Variants in MYO9A observed in about 807,000 individuals in gnomAD.
MYO9A encodes the protein unconventional myosin-IXa.
A neutral mutation model predicts 293.3 loss-of-function variants in MYO9A; 103 were observed. That is an observed-to-expected ratio of 0.35 (90% CI 0.30 to 0.41). MYO9A has a LOEUF of 0.41. Ranked by LOEUF, MYO9A falls within the 10% of genes least tolerant of loss-of-function variation. The pLI, the probability that MYO9A is intolerant of heterozygous loss-of-function variation, is 1.00. For missense variants in MYO9A, 2,685 were observed against 3,033.0 expected (o/e 0.89, Z 2.69); for synonymous variants, 1,001 against 1,035.7 (o/e 0.97, Z 0.64).
chr15:72,004,278 C>G (rs1194891594), intron 8 of MYO9A, among the ~76,000 whole-genome samples: 1 of 152,240 alleles, frequency 6.6e-6, no homozygotes, highest in African/African-American at 2.4e-5. Context: ...CTATTCTTGG[C>G]CGGGCACAGT....
intron 14 of MYO9A, among the ~76,000 whole-genome samples, chr15:71,954,779 G>T (rs892095720): frequency 6.6e-6 from 1 of 152,124 alleles, no homozygotes; most frequent in Non-Finnish European, 1.5e-5. Flanking sequence ...TGACAGAAAA[G>T]TTCCATAACT....
rs1406275798 is a variant in MYO9A at position 71,822,945 on chromosome 15, A to G, written c.*3635T>C. ...GTTAAAAGTAGTCTAGGGCATAGAA[A>G]AAGAGGACTCTCACAGATACCAAGG... On this transcript the variant is annotated 3_prime_UTR_variant, in exon 42 of 42. Coordinates refer to ENST00000356056, the MANE Select transcript of MYO9A (RefSeq NM_006901.4). 2.0e-5 allele frequency: 3 copies of G among 152,206 alleles called. No individual in the cohort carries two copies. 9.4% of individuals were successfully genotyped at this position (152,206 alleles called of 1,614,324 possible). A position where few individuals can be genotyped will look rare whatever the true frequency, so the allele number is the denominator to read the frequency against.
chr15:72,024,425 C>T (rs2077600342), intron 4 of MYO9A, among the ~76,000 whole-genome samples: 2 of 152,192 alleles, frequency 1.3e-5, no homozygotes, highest in African/African-American at 2.4e-5. Flanking sequence ...GGACTACAGG[C>T]GTGCATCACC....
intron 33 of MYO9A, among the ~76,000 whole-genome samples, chr15:71,860,321 A>G (rs1187337618): frequency 6.6e-6 from 1 of 152,238 alleles, no homozygotes; most frequent in African/African-American, 2.4e-5. Flanking sequence ...TTCAGAACAG[A>G]GCTCTGAAGA....
intron 6 of MYO9A, among the ~76,000 whole-genome samples, chr15:72,017,218 T>C (rs182331200): frequency 3.9e-5 from 6 of 152,112 alleles, no homozygotes; most frequent in Admixed American, 3.9e-4. Flanking sequence ...ATTGCCTTGT[T>C]GCTCAAGCTA....
rs535513087 is a variant in MYO9A, at chr15:72,003,376, A to C, written c.1381-3436T>G. Among the ~76,000 whole-genome samples, 7 of 151,978 alleles carry C rather than the reference A, an allele frequency of 4.6e-5. No homozygotes were observed. In the South Asian group the frequency reaches 1.5e-3, roughly 32 times the overall value. On this transcript the variant is annotated intron_variant, in intron 8 of 41. Transcript: ENST00000356056. Reference sequence around the variant, plus strand: ...AATACCATAGAGAAAAATTTTAAAGAGTGAAATTAACAGACTATTTACAAA... The same window carrying C: ...AATACCATAGAGAAAAATTTTAAAGCGTGAAATTAACAGACTATTTACAAA...
chr15:72,081,434 T>C (rs1846263401), intron 1 of MYO9A, among the ~76,000 whole-genome samples: 3 of 152,154 alleles, frequency 2.0e-5, no homozygotes, highest in African/African-American at 2.4e-5. Context: ...TTTAAATTCT[T>C]TATAGGTGCT....
At chr15:72,109,989 T>TA (rs56010336) in intron 1 of MYO9A, among the ~76,000 whole-genome samples, 92,113 of 140,768 alleles carry the variant, frequency 0.65, 30,768 homozygotes, top group Non-Finnish European at 0.73. Context: ...TCCCTTACAT[T>TA]AAAAAAAAAA....
intron 17 of MYO9A, 196 bp downstream of exon 17, chr15:71,935,145 A>C (rs2058602025): frequency 3.9e-6 from 2 of 518,912 alleles, no homozygotes; most frequent in South Asian, 4.3e-5. Context: ...AAATCAACAA[A>C]AACACAAGCT....
At position 71,879,748 on chromosome 15, in the gene MYO9A, G is replaced by T; in HGVS notation, c.5712C>A (p.Ile1904=). ...KKALKEFRQN[I]FSFYSSALAM... is the part of the protein sequence containing the mutation. ...CCAATGCAGATGAATAAAAGCTGAA[G>T]ATATTCTGCCGAAATTCCTTCAGGG... Residue 1904 remains isoleucine, a synonymous_variant, in exon 30 of 42, where the codon ATC becomes ATA. Transcript: ENST00000356056. 1 of 1,612,896 alleles carries T rather than the reference G, an allele frequency of 6.2e-7. No homozygotes were observed.
At chr15:72,020,843 C>T in intron 5 of MYO9A, 75 bp downstream of exon 5, 1 of 881,506 alleles carries the variant, frequency 1.1e-6, no homozygotes, top group Non-Finnish European at 1.6e-6. Flanking sequence ...TGAGAAAGTA[C>T]TAGAAAAAAG....
intron 21 of MYO9A, 43 bp downstream of exon 21, chr15:71,903,886 C>T (rs370285693): frequency 8.7e-6 from 13 of 1,494,406 alleles, no homozygotes; most frequent in Non-Finnish European, 1.1e-5. Flanking sequence ...GAATCATTTA[C>T]TTGATGTGTC....
chr15:71,891,695 G>T, intron 26 of MYO9A: 1 of 152,094 alleles, frequency 6.6e-6, no homozygotes, highest in Non-Finnish European at 1.5e-5. Context: ...TTCGGCTCAG[G>T]TTAATGACTC....
chr15:71,836,509 T>A (rs1052591401), intron 39 of MYO9A, among the ~76,000 whole-genome samples: 1 of 152,064 alleles, frequency 6.6e-6, no homozygotes, highest in Admixed American at 6.6e-5. Flanking sequence ...CACTCCTGTA[T>A]ATTTCTCCAA....
chr15:71,945,667 T>C (rs1379724172), intron 15 of MYO9A, among the ~76,000 whole-genome samples: 1 of 152,184 alleles, frequency 6.6e-6, no homozygotes, highest in South Asian at 2.1e-4. Flanking sequence ...GTGTGATTCC[T>C]TCACACTTCC....
intron 1 of MYO9A, among the ~76,000 whole-genome samples, chr15:72,067,237 C>G (rs547875983): frequency 6.6e-6 from 1 of 150,932 alleles, no homozygotes; most frequent in Non-Finnish European, 1.5e-5. Flanking sequence ...ACCATAATCA[C>G]TAAATACCTG....
intron 16 of MYO9A, among the ~76,000 whole-genome samples, chr15:71,937,110 G>A (rs1256695592): frequency 2.0e-5 from 3 of 152,004 alleles, no homozygotes; most frequent in African/African-American, 7.2e-5. Flanking sequence ...ACTGTGAAAA[G>A]TGTTGAAATG....
chr15:71,880,220 T>A, intron 29 of MYO9A, 115 bp downstream of exon 29: 1 of 884,162 alleles, frequency 1.1e-6, no homozygotes. Context: ...AAAGAACAGA[T>A]CATCTAAAGC....
In MYO9A at chr15:71,904,917, C is replaced by G. The variant is rs367969242; in HGVS notation, c.2766+9G>C. 1.9e-4 allele frequency: 300 copies of G among 1,590,952 alleles called. 1 individual carries two copies. The highest frequency in any genetic ancestry group is 3.4e-4 in the Middle Eastern group (2 of 5,964). ...GAGATATGTGCTCTCATTTATAGGA[C>G]ATTTTTACCTTTTCAGCATTAGAGC... On this transcript the variant is annotated intron_variant, in intron 20 of 41. Transcript: ENST00000356056.
Sources: allele counts gnomAD v4.1 joint callset (sites outside exome capture counted in the v4.1 genomes callset), GRCh38; gene constraint gnomAD v4.1.1; transcripts MANE v1.5; gene names NCBI Gene and HGNC (gene_info 2026-07-23, HGNC 2026-07-21).